Variants in SCAPER observed in about 807,000 individuals in gnomAD.
SCAPER encodes the protein S phase cyclin A-associated protein in the endoplasmic reticulum.
SCAPER carries 98 observed loss-of-function variants against 182.2 expected under a neutral mutation model. That is an observed-to-expected ratio of 0.54 (90% CI 0.46 to 0.64). The LOEUF (loss-of-function observed/expected upper bound fraction) is 0.64. Among genes scored for constraint, SCAPER ranks in the 30% least tolerant of loss-of-function variants. The pLI, the probability that SCAPER is intolerant of heterozygous loss-of-function variation, is 0.00. For synonymous variants in SCAPER, 605 were observed against 564.6 expected, an observed-to-expected ratio of 1.07 and a Z score of -1.01; for missense variants, 1,432 against 1,690.0, an observed-to-expected ratio of 0.85 and a Z score of 2.68.
chr15:76,372,821 T>C (rs2042274772), intron 29 of SCAPER, among the ~76,000 whole-genome samples: 1 of 152,170 alleles, frequency 6.6e-6, no homozygotes, highest in Admixed American at 6.5e-5. Flanking sequence ...TTAAAAATAC[T>C]TAACAAAGAT....
chr15:76,371,747 C>T (rs969666334), intron 29 of SCAPER, among the ~76,000 whole-genome samples: 1 of 151,464 alleles, frequency 6.6e-6, no homozygotes, highest in East Asian at 2.0e-4. Context: ...GGAGAAACCC[C>T]GTGTCTACTA....
intron 20 of SCAPER, among the ~76,000 whole-genome samples, chr15:76,691,424 A>G (rs572310948): frequency 1.2e-4 from 18 of 152,102 alleles, no homozygotes; most frequent in Non-Finnish European, 2.4e-4. Context: ...ATTTTAAAAC[A>G]ATCTCAATCA....
chr15:76,537,642 C>G (rs1306868431), intron 23 of SCAPER, among the ~76,000 whole-genome samples: 1 of 151,970 alleles, frequency 6.6e-6, no homozygotes, highest in Non-Finnish European at 1.5e-5. Context: ...CATTACCATT[C>G]AGGACATAGG....
intron 20 of SCAPER, among the ~76,000 whole-genome samples, chr15:76,674,336 C>CT (rs1484663620): frequency 6.6e-6 from 1 of 152,142 alleles, no homozygotes; most frequent in Non-Finnish European, 1.5e-5. Context: ...AAACCTGAGT[C>CT]TAAGACTCTA....
At chr15:76,891,947 C>T (rs2074190300) in intron 1 of SCAPER, among the ~76,000 whole-genome samples, 1 of 152,120 alleles carries the variant, frequency 6.6e-6, no homozygotes. Flanking sequence ...GCTACAGTAA[C>T]CAAAACAGCA....
chr15:76,670,849 A>AAG (rs1205608122), intron 20 of SCAPER, among the ~76,000 whole-genome samples: 1 of 152,168 alleles, frequency 6.6e-6, no homozygotes. Context: ...TGCTTCTTCT[A>AAG]AGAGAGAGAT....
At chr15:76,428,927 T>TTACTGA (rs1306762850) in intron 26 of SCAPER, among the ~76,000 whole-genome samples, 2 of 137,040 alleles carry the variant, frequency 1.5e-5, no homozygotes, top group African/African-American at 5.5e-5. Flanking sequence ...GTTTGTATAG[T>TTACTGA]TACTGATATG....
In SCAPER at chr15:76,488,177, T is replaced by C. The variant is rs962708604; in HGVS notation, c.2954+16682A>G. Among the ~76,000 whole-genome samples the C allele has an allele frequency of 4.6e-5, 7 of 152,220 alleles. No homozygotes were observed. The South Asian group carries it at 1.4e-3, about 32-fold the overall frequency. On this transcript the variant is annotated intron_variant, in intron 24 of 31. Coordinates refer to ENST00000563290, the MANE Select transcript of SCAPER (RefSeq NM_020843.4). ...GCCCAAGATAAAATACCTTCTGAAT[T>C]TGTAATATTTCAAATTCAAATTCTA...
chr15:76,674,804 T>C (rs886807968), intron 20 of SCAPER, among the ~76,000 whole-genome samples: 5 of 151,430 alleles, frequency 3.3e-5, no homozygotes, highest in African/African-American at 9.7e-5. Flanking sequence ...AATACAATTA[T>C]GCAGCAAAGT....
chr15:76,549,161 A>C (rs2045541066), intron 23 of SCAPER, among the ~76,000 whole-genome samples: 1 of 152,224 alleles, frequency 6.6e-6, no homozygotes, highest in Admixed American at 6.5e-5. Context: ...TCCTCAAAAG[A>C]AGACATTGAT....
At chr15:76,694,442 G>T (rs983921200) in intron 20 of SCAPER, among the ~76,000 whole-genome samples, 3 of 152,026 alleles carry the variant, frequency 2.0e-5, no homozygotes, top group African/African-American at 7.2e-5. Context: ...ACTACATAGA[G>T]TATGCATTAA....
chr15:76,748,825 T>C (rs2061944160), intron 15 of SCAPER, among the ~76,000 whole-genome samples: 1 of 151,214 alleles, frequency 6.6e-6, no homozygotes. Flanking sequence ...AAACAGATAA[T>C]AGGAATAGCT....
chr15:76,628,756 CT>C (rs2052821988), intron 21 of SCAPER, among the ~76,000 whole-genome samples: 1 of 152,150 alleles, frequency 6.6e-6, no homozygotes, highest in South Asian at 2.1e-4. Flanking sequence ...GCTATACAAG[CT>C]CTTTTTTGGA....
At chr15:76,623,608 G>A (rs1259401199) in intron 21 of SCAPER, among the ~76,000 whole-genome samples, 2 of 152,076 alleles carry the variant, frequency 1.3e-5, no homozygotes, top group Non-Finnish European at 2.9e-5. Flanking sequence ...GGTCTTACGT[G>A]TCTGCTTTTG....
chr15:76,657,313 T>C (rs1467685361), intron 21 of SCAPER, among the ~76,000 whole-genome samples: 1 of 151,984 alleles, frequency 6.6e-6, no homozygotes, highest in Admixed American at 6.6e-5. Flanking sequence ...AATTGATAAA[T>C]TCCTGGAAAC....
Position 76,765,070 on chromosome 15 carries a change from G to C in SCAPER, c.1616C>G (p.Thr539Arg). ...EKLSSPSRKRTIAESKKKHEE... is the reference protein window; with the variant it reads ...EKLSSPSRKRRIAESKKKHEE... The stretch of plus-strand genomic sequence containing the variant: ...ATGTTTCTTCTTAGATTCTGCAATT[G>C]TTCTATTAATACAAACAAATGGACA... The change falls in exon 14 of 32, where the codon ACA becomes AGA. Residue 539 changes from threonine (T) to arginine (R), a missense_variant and splice_region_variant. By Grantham distance (71) the Thr-to-Arg change is moderately conservative (BLOSUM62 -1). Transcript: ENST00000563290. 3 of 1,561,048 alleles carry C rather than the reference G, an allele frequency of 1.9e-6. No individual in the cohort carries two copies. Among genetic ancestry groups the C allele is most frequent in the Non-Finnish European group, 2.6e-6 (3 of 1,149,594 alleles).
chr15:76,488,670 T>G (rs2051910884), intron 24 of SCAPER, among the ~76,000 whole-genome samples: 1 of 150,690 alleles, frequency 6.6e-6, no homozygotes, highest in Non-Finnish European at 1.5e-5. Context: ...GGGACCAATA[T>G]TCCCTCAATT....
chr15:76,882,026 T>G (rs1186670003), intron 2 of SCAPER, among the ~76,000 whole-genome samples: 1 of 152,142 alleles, frequency 6.6e-6, no homozygotes, highest in East Asian at 1.9e-4. Context: ...GCTATTAAAT[T>G]AAAATTAAAT....
intron 20 of SCAPER, among the ~76,000 whole-genome samples, chr15:76,678,277 T>A (rs1031699431): frequency 6.6e-6 from 1 of 152,102 alleles, no homozygotes; most frequent in Admixed American, 6.5e-5. Context: ...GAAACCAAGT[T>A]ACAAATCTAA....
Sources: gnomAD v4.1 joint callset for allele counts (sites outside exome capture counted in the v4.1 genomes callset) on GRCh38, gnomAD v4.1.1 for gene constraint, MANE v1.5 for transcripts, NCBI Gene and HGNC (gene_info 2026-07-23, HGNC 2026-07-21) for gene names.